Variants in NAGA observed in about 807,000 individuals in gnomAD.
The protein encoded by NAGA is alpha-N-acetylgalactosaminidase, also known as Acetylgalactosaminidase, alpha-N- (alpha-galactosidase B).
NAGA carries 42 observed loss-of-function variants against 45.6 expected under a neutral mutation model. The observed-to-expected ratio is 0.92, with a 90% CI of 0.72 to 1.19. NAGA has a LOEUF of 1.19. Ranked by LOEUF, NAGA falls within the 50% of genes most tolerant of loss-of-function variation. The pLI, the probability that NAGA is intolerant of heterozygous loss-of-function variation, is 0.00. For synonymous variants in NAGA, 176 were observed against 203.1 expected, an observed-to-expected ratio of 0.87 and a Z score of 1.13; for missense variants, 493 against 544.8, an observed-to-expected ratio of 0.90 and a Z score of 0.95.
chr22:42,065,641 C>G, intron 6 of NAGA, 97 bp downstream of exon 6: 1 of 1,529,892 alleles, frequency 6.5e-7, no homozygotes, highest in Non-Finnish European at 9.0e-7. Flanking sequence ...ACCTAGAACC[C>G]GGCAGTGAGC....
intron 7 of NAGA, among the ~76,000 whole-genome samples, chr22:42,061,304 C>T (rs1926373847): frequency 6.6e-6 from 1 of 152,242 alleles, no homozygotes; most frequent in Non-Finnish European, 1.5e-5. Flanking sequence ...TGCTAGCACA[C>T]TGAGACAAGT....
In NAGA at chr22:42,065,789, C is replaced by G; in HGVS notation, c.708G>C (p.Gln236His). 6.2e-7 allele frequency: 1 copy of G among 1,614,162 alleles called. No homozygotes were observed. Among genetic ancestry groups the G allele is most frequent in the Non-Finnish European group, 8.5e-7 (1 of 1,180,026 alleles). The change falls in exon 6 of 9, where the codon CAG becomes CAC. Residue 236 changes from glutamine to histidine, a missense_variant. Coordinates refer to ENST00000396398, the MANE Select transcript of NAGA (RefSeq NM_000262.3). ...LSILNWFVEHQDILQPVAGPG... is the reference protein window; with the variant it reads ...LSILNWFVEHHDILQPVAGPG... ...GGCCGGCCACTGGCTGCAGTATGTC[C>G]TGGTGCTCCACGAACCAATTCAGGA...
rs1037563255 is a variant in NAGA at position 42,058,341 on chromosome 22, A to G, written c.*1938T>C. ...CATGTGCAGGAAGAGAGATGAAATA[A>G]TGGTACACGTTGATGGTTACTGGAG... On this transcript the variant is annotated 3_prime_UTR_variant, in exon 9 of 9. Transcript: ENST00000396398. 7.9e-5 allele frequency: 12 copies of G among 152,116 alleles called. No individual in the cohort carries two copies. Among genetic ancestry groups the G allele is most frequent in the African/African-American group, 2.9e-4 (12 of 41,412 alleles). The allele number at this position is 152,116 out of a possible 1,614,324, so 9.4% of individuals were successfully genotyped here. A position where few individuals can be genotyped will look rare whatever the true frequency, so the allele number is the denominator to read the frequency against.
intron 3 of NAGA, 101 bp from the exon 4 acceptor site, chr22:42,067,391 G>A (rs1926805728): frequency 2.1e-5 from 30 of 1,437,856 alleles, no homozygotes; most frequent in African/African-American, 2.8e-5. Flanking sequence ...TGGCTCCCAC[G>A]GACCAAAGGA....
chr22:42,066,711 C>CT lies in NAGA; in HGVS notation c.595dup (p.Arg199LysfsTer16), dbSNP rs1926752865. 6.3e-7 allele frequency: 1 copy of CT among 1,596,748 alleles called. No homozygotes were observed. The highest frequency in any genetic ancestry group is 8.5e-7 in the Non-Finnish European group (1 of 1,172,008). Reference sequence around the variant, plus strand: ...CAGGCAGGGGGCAGAATGGCTTACCCTTGGGGGGAGGCCGCCTTCATAGGC... The same window carrying CT: ...CAGGCAGGGGGCAGAATGGCTTACCCTTTGGGGGGAGGCCGCCTTCATAGGC... On this transcript the variant is annotated frameshift_variant and splice_region_variant, in exon 5 of 9. Coordinates refer to ENST00000396398, the MANE Select transcript of NAGA (RefSeq NM_000262.3). LOFTEE classifies it high-confidence loss of function.
At chr22:42,063,078 CAG>C in intron 6 of NAGA, 54 bp from the exon 7 acceptor site, 1 of 1,553,248 alleles carries the variant, frequency 6.4e-7, no homozygotes, top group African/African-American at 1.4e-5. Flanking sequence ...GAGGTAGACA[CAG>C]GGACCATCCC....
intron 7 of NAGA, 86 bp downstream of exon 7, chr22:42,062,741 T>C: frequency 6.8e-7 from 1 of 1,468,842 alleles, no homozygotes; most frequent in Non-Finnish European, 9.5e-7. Flanking sequence ...CCTCGCCAGG[T>C]GTTGCCCCCA....
rs1325403816 is a variant in NAGA at position 42,062,928 on chromosome 22, G to A, written c.856C>T (p.Leu286=). ...ATGTTCTGGGCGGAGATGGTACGCA[G>A]GTCTGTGGACATCAAGAGGGGGGCT... The part of the protein sequence containing the change: ...LAAPLLMSTD[L]RTISAQNMDI... The change falls in exon 7 of 9, where the codon CTG becomes TTG. Residue 286 remains leucine, a synonymous_variant. Coordinates refer to ENST00000396398, the MANE Select transcript of NAGA (RefSeq NM_000262.3). The A allele has an allele frequency of 6.2e-7, 1 of 1,614,186 alleles. No homozygotes were observed. The highest frequency in any genetic ancestry group is 1.7e-5 in the Admixed American group (1 of 60,022).
At chr22:42,061,193 G>A in intron 7 of NAGA, 126 bp from the exon 8 acceptor site, 4 of 1,221,344 alleles carry the variant, frequency 3.3e-6, no homozygotes, top group Non-Finnish European at 4.7e-6. Flanking sequence ...GTTTAGGGAG[G>A]ATGCCACGGG....
At position 42,059,005 on chromosome 22, in the gene NAGA, G is replaced by A. The variant is rs1404499555; in HGVS notation, c.*1274C>T. ...GATGTAACAAAATGTGCATATGTAA[G>A]TTTTTACACCATACCCTAAATACAA... On this transcript the variant is annotated 3_prime_UTR_variant, in exon 9 of 9. Coordinates refer to ENST00000396398, the MANE Select transcript of NAGA (RefSeq NM_000262.3). The A allele has an allele frequency of 6.6e-6, 1 of 152,222 alleles. No individual in the cohort carries two copies. The highest frequency in any genetic ancestry group is 1.5e-5 in the Non-Finnish European group (1 of 68,038). The allele number at this position is 152,222 out of a possible 1,614,324, so 9.4% of individuals were successfully genotyped here. A position where few individuals can be genotyped will look rare whatever the true frequency, so the allele number is the denominator to read the frequency against.
chr22:42,062,580 G>A (rs1367185864), intron 7 of NAGA, among the ~76,000 whole-genome samples: 1 of 152,190 alleles, frequency 6.6e-6, no homozygotes, highest in Non-Finnish European at 1.5e-5. Context: ...TTATGTGGCT[G>A]ACACCTCTCA....
chr22:42,068,124 G>A (rs1469926369), intron 2 of NAGA, among the ~76,000 whole-genome samples, 188 bp from the exon 3 acceptor site: 4 of 152,222 alleles, frequency 2.6e-5, no homozygotes, highest in African/African-American at 9.7e-5. Context: ...GAAAGGAGTG[G>A]CTGGCCCCAG....
At chr22:42,062,567 C>T (rs1245466735) in intron 7 of NAGA, among the ~76,000 whole-genome samples, 1 of 152,196 alleles carries the variant, frequency 6.6e-6, no homozygotes, top group Non-Finnish European at 1.5e-5. Context: ...TTGCTATGTG[C>T]ACTTATGTGG....
Position 42,068,572 on chromosome 22 carries a change from G to T in NAGA, c.19C>A (p.Leu7Ile). 6.2e-7 allele frequency: 1 copy of T among 1,614,058 alleles called. No individual in the cohort carries two copies. Among genetic ancestry groups the T allele is most frequent in the Admixed American group, 1.7e-5 (1 of 60,018 alleles). ...ACCTGGGCCACATGTCCCAGCAAGA[G>T]CACTAGGGGGCAAGGGAGGAGGGGA... MLLKTV[L>I]LLGHVAQVLM... Residue 7 changes from leucine to isoleucine, a missense_variant and splice_region_variant, in exon 2 of 9, where the codon CTC (leucine) becomes ATC (isoleucine). Leu to Ile is a conservative substitution (Grantham distance 5). Transcript: ENST00000396398.
At chr22:42,065,143 A>G (rs1926648256) in intron 6 of NAGA, among the ~76,000 whole-genome samples, 2 of 152,244 alleles carry the variant, frequency 1.3e-5, no homozygotes, top group Admixed American at 6.5e-5. Flanking sequence ...CTGCTCCTCC[A>G]GGTTGCTCCC....
Position 42,067,859 on chromosome 22 carries a change from A to G in NAGA, c.230T>C (p.Ile77Thr), listed in dbSNP as rs375884363. The change falls in exon 3 of 9, where the codon ATT becomes ACT. Residue 77 changes from isoleucine (I) to threonine (T), a missense_variant. By Grantham distance (89) the Ile-to-Thr change is moderately conservative (BLOSUM62 -1). Coordinates refer to ENST00000396398, the MANE Select transcript of NAGA (RefSeq NM_000262.3). ...GCGACCACCGATCCAGCAGTCATCA[A>G]TGTTGAGGTATGTGTAGCCCATGTC... is the stretch of plus-strand genomic sequence containing the variant. ...WRDMGYTYLN[I>T]DDCWIGGRDA... 34 of 1,613,486 alleles carry G rather than the reference A, an allele frequency of 2.1e-5. No individual in the cohort carries two copies. The African/African-American group carries it at 2.4e-4, about 11-fold the overall frequency.
In NAGA at chr22:42,060,208, C is replaced by T; in HGVS notation, c.*71G>A. 2 of 1,599,378 alleles carry T rather than the reference C, an allele frequency of 1.3e-6. No individual in the cohort carries two copies. The highest frequency in any genetic ancestry group is 2.2e-5 in the East Asian group (1 of 44,820). ...GGGGAGCAGAGAACCTCCCCACTTG[C>T]CCTGGGCATGCCAAGGCTCCATGGT... is the stretch of plus-strand genomic sequence containing the variant. On this transcript the variant is annotated 3_prime_UTR_variant, in exon 9 of 9. Coordinates refer to ENST00000396398, the MANE Select transcript of NAGA (RefSeq NM_000262.3).
chr22:42,068,922 G>C (rs1164931917), intron 1 of NAGA, among the ~76,000 whole-genome samples: 1 of 151,906 alleles, frequency 6.6e-6, no homozygotes, highest in Non-Finnish European at 1.5e-5. Context: ...ATGCTCCTAG[G>C]CCTACCACGG....
intron 6 of NAGA, among the ~76,000 whole-genome samples, chr22:42,064,517 C>T (rs1210968386): frequency 4.4e-5 from 6 of 137,772 alleles, no homozygotes; most frequent in South Asian, 4.6e-4. Flanking sequence ...TCATAGCAGG[C>T]GCCTGTAATC....
Sources: allele counts gnomAD v4.1 joint callset (sites outside exome capture counted in the v4.1 genomes callset), GRCh38; gene constraint gnomAD v4.1.1; transcripts MANE v1.5; gene names NCBI Gene and HGNC (gene_info 2026-07-23, HGNC 2026-07-21).